Variants in CYP19A1 observed in about 807,000 individuals in gnomAD.
CYP19A1 encodes the protein aromatase.
CYP19A1 carries 32 observed loss-of-function variants against 44.4 expected under a neutral mutation model. The ratio of observed to expected loss-of-function variants is 0.72; its 90% CI spans 0.54 to 0.97. The LOEUF (loss-of-function observed/expected upper bound fraction) is 0.97, where lower values mean the gene tolerates loss of function less well. CYP19A1 is among the 50% of genes least tolerant of loss of function. The pLI is 0.00. For synonymous variants in CYP19A1, 212 were observed against 215.6 expected (o/e 0.98, Z 0.14); for missense variants, 598 against 637.8 (o/e 0.94, Z 0.67).
At chr15:51,286,703 A>G (rs141140433) in intron 1 of CYP19A1, among the ~76,000 whole-genome samples, 31 of 151,912 alleles carry the variant, frequency 2.0e-4, no homozygotes, top group African/African-American at 7.0e-4. Context: ...CTCTCACCCC[A>G]CTCAGGGTTC....
chr15:51,286,430 C>T lies in CYP19A1; in HGVS notation c.-38-43480G>A, dbSNP rs1272830662. On this transcript the variant is annotated intron_variant, in intron 1 of 9. Coordinates refer to ENST00000396402, the MANE Select transcript of CYP19A1 (RefSeq NM_000103.4). ...TCTTCAGGCACTTGTTTGTCTGTTT[C>T]GTTTGTTTGTTCTTTTCCCCTGGAA... Among the ~76,000 whole-genome samples the T allele has an allele frequency of 3.3e-5, 5 of 152,154 alleles. No homozygotes were observed. The East Asian group carries it at 5.8e-4, about 18-fold the overall frequency.
chr15:51,290,637 G>T (rs2035821301), intron 1 of CYP19A1, among the ~76,000 whole-genome samples: 1 of 151,948 alleles, frequency 6.6e-6, no homozygotes, highest in Admixed American at 6.5e-5. Context: ...TTAAGCAAGT[G>T]CTAGTTGCAA....
At chr15:51,217,280 T>C (rs2031664661) in intron 6 of CYP19A1, among the ~76,000 whole-genome samples, 2 of 152,204 alleles carry the variant, frequency 1.3e-5, no homozygotes, top group Non-Finnish European at 2.9e-5. Context: ...GAATCCGTTA[T>C]ACAGACTCAT....
intron 1 of CYP19A1, among the ~76,000 whole-genome samples, chr15:51,252,516 G>C (rs1341228260): frequency 2.0e-5 from 3 of 152,204 alleles, no homozygotes; most frequent in Non-Finnish European, 2.9e-5. Context: ...AGTTGATAAT[G>C]GGGTGTTACA....
chr15:51,234,674 C>T (rs1219607764), intron 3 of CYP19A1, among the ~76,000 whole-genome samples: 1 of 152,128 alleles, frequency 6.6e-6, no homozygotes, highest in African/African-American at 2.4e-5. Context: ...TCGCTGCTTC[C>T]TGTAACCCCG....
chr15:51,242,822 G>A lies in CYP19A1; in HGVS notation c.91C>T (p.Leu31Phe). The change falls in exon 2 of 10, where the codon CTC (leucine) becomes TTC (phenylalanine). Residue 31 changes from leucine (L) to phenylalanine (F), a missense_variant. Coordinates refer to ENST00000396402, the MANE Select transcript of CYP19A1 (RefSeq NM_000103.4). ...CACACCAAGAGAAAAAGGCCAGTGA[G>A]GAGCAGGACTGGCATGGTGGCAGCA... ...MPAATMPVLL[L>F]TGLFLLVWNY... 1.3e-6 allele frequency: 2 copies of A among 1,579,432 alleles called. No homozygotes were observed. Among genetic ancestry groups the A allele is most frequent in the Middle Eastern group, 1.7e-4 (1 of 5,992 alleles).
intron 1 of CYP19A1, among the ~76,000 whole-genome samples, chr15:51,247,457 A>T (rs1315497496): frequency 6.8e-5 from 8 of 118,100 alleles, no homozygotes; most frequent in Admixed American, 5.4e-4. Context: ...TTACTTTTTT[A>T]TTTTTATTTT....
intron 1 of CYP19A1, among the ~76,000 whole-genome samples, chr15:51,330,262 G>A (rs935923530): frequency 6.6e-6 from 1 of 152,240 alleles, no homozygotes; most frequent in Non-Finnish European, 1.5e-5. Flanking sequence ...CTAGCAGACT[G>A]GGAGTAGAAG....
At position 51,209,540 on chromosome 15, in the gene CYP19A1, G is replaced by C. The variant is rs1013615290; in HGVS notation, c.*1268C>G. 7 of 152,332 alleles carry C rather than the reference G, an allele frequency of 4.6e-5. No homozygotes were observed. The East Asian group carries it at 1.3e-3, about 29-fold the overall frequency. 9.4% of individuals were successfully genotyped at this position (152,332 alleles called of 1,614,324 possible). A position where few individuals can be genotyped will look rare whatever the true frequency, so the allele number is the denominator to read the frequency against. On this transcript the variant is annotated 3_prime_UTR_variant, in exon 10 of 10. Transcript: ENST00000396402. The stretch of plus-strand genomic sequence containing the variant: ...ACATTCAGTAGAGATAGTTATATTG[G>C]CTATATAACACAAGTAAAGTGGTGT...
intron 1 of CYP19A1, chr15:51,255,905 C>G (rs1381188336): frequency 6.6e-6 from 1 of 152,226 alleles, no homozygotes. Context: ...GTCATTTTCT[C>G]ACACTGTGGG....
chr15:51,298,848 G>T (rs920497270), intron 1 of CYP19A1, among the ~76,000 whole-genome samples: 1 of 152,228 alleles, frequency 6.6e-6, no homozygotes, highest in African/African-American at 2.4e-5. Context: ...AAGGAGCTGC[G>T]TCTGGGGCAA....
chr15:51,270,407 G>T (rs1188709903), intron 1 of CYP19A1, among the ~76,000 whole-genome samples: 1 of 152,104 alleles, frequency 6.6e-6, no homozygotes, highest in Non-Finnish European at 1.5e-5. Flanking sequence ...GGTAAAACTG[G>T]GATGTGGGTA....
At position 51,319,512 on chromosome 15, in the gene CYP19A1, T is replaced by G. The variant is rs36073878; in HGVS notation, c.-39+18983A>C. Among the ~76,000 whole-genome samples the G allele has an allele frequency of 2.5e-3, 376 of 152,346 alleles. 2 individuals carry two copies. The highest frequency in any genetic ancestry group is 4.0e-3 in the Non-Finnish European group (269 of 68,036). On this transcript the variant is annotated intron_variant, in intron 1 of 9. Coordinates refer to ENST00000396402, the MANE Select transcript of CYP19A1 (RefSeq NM_000103.4). ...CTGACCAGAGCCTGTCACTGCACCTTGTAGACATTCTTACAAACAGCTCTT... is the reference window on the plus strand; with the variant it reads ...CTGACCAGAGCCTGTCACTGCACCTGGTAGACATTCTTACAAACAGCTCTT...
intron 1 of CYP19A1, among the ~76,000 whole-genome samples, chr15:51,282,001 C>T (rs192160017): frequency 6.6e-6 from 1 of 152,084 alleles, no homozygotes; most frequent in East Asian, 1.9e-4. Context: ...GAGAATAAAC[C>T]AAATAAAGAG....
intron 4 of CYP19A1, among the ~76,000 whole-genome samples, chr15:51,227,362 G>A (rs904150162): frequency 6.6e-6 from 1 of 152,042 alleles, no homozygotes; most frequent in Non-Finnish European, 1.5e-5. Flanking sequence ...CTTTATTGCA[G>A]TAGAATTCAA....
chr15:51,328,991 C>T (rs1188685856), intron 1 of CYP19A1, among the ~76,000 whole-genome samples: 1 of 152,154 alleles, frequency 6.6e-6, no homozygotes, highest in Non-Finnish European at 1.5e-5. Flanking sequence ...GTCCTCAGAC[C>T]AGGCCTACAC....
chr15:51,243,400 C>T lies in CYP19A1; in HGVS notation c.-38-450G>A, dbSNP rs538731458. On this transcript the variant is annotated intron_variant, in intron 1 of 9. Coordinates refer to ENST00000396402, the MANE Select transcript of CYP19A1 (RefSeq NM_000103.4). ...AACAAAAAGGCAATCTCCCAACTCC[C>T]CTTTTTGACCAAAATGACTTTTTTG... Among the ~76,000 whole-genome samples, 5 of 152,312 alleles carry T rather than the reference C, an allele frequency of 3.3e-5. No individual in the cohort carries two copies. The South Asian group carries it at 8.3e-4, about 25-fold the overall frequency.
rs28757127 is a variant in CYP19A1 at position 51,277,777 on chromosome 15, A to C, written c.-38-34827T>G. ...TTCCCCTCCTTCCATTCTCATGCCA[A>C]TGAAATATTTCAAGTGAACTGTTTT... On this transcript the variant is annotated intron_variant, in intron 1 of 9. Transcript: ENST00000396402. Among the ~76,000 whole-genome samples the C allele has an allele frequency of 4.2e-3, 639 of 152,278 alleles. 2 individuals are homozygous for C. Among genetic ancestry groups the C allele is most frequent in the African/African-American group, 0.015 (615 of 41,552 alleles).
At chr15:51,315,321 A>T (rs1047974196) in intron 1 of CYP19A1, among the ~76,000 whole-genome samples, 2 of 152,104 alleles carry the variant, frequency 1.3e-5, no homozygotes, top group African/African-American at 4.8e-5. Context: ...CTCATGGTGC[A>T]TGCTTAGCTC....
Sources: gnomAD v4.1 joint callset for allele counts (sites outside exome capture counted in the v4.1 genomes callset) on GRCh38, gnomAD v4.1.1 for gene constraint, MANE v1.5 for transcripts, NCBI Gene and HGNC (gene_info 2026-07-23, HGNC 2026-07-21) for gene names.